The following C5AR1 variants were observed in gnomAD, a reference collection of about 807,000 sequenced individuals.
The protein encoded by C5AR1 is C5a anaphylatoxin chemotactic receptor 1.
In C5AR1, 4 loss-of-function variants were observed where a neutral mutation model predicts 2.4. The observed-to-expected ratio is 1.65, with a 90% CI of 0.81 to 3.77. C5AR1 has a LOEUF of 3.77. C5AR1 is among the 30% of genes most tolerant of loss of function. C5AR1 has a pLI of 0.01. For missense variants in C5AR1, 418 were observed against 462.5 expected (o/e 0.90, Z 0.88); for synonymous variants, 209 against 210.4 (o/e 0.99, Z 0.06).
At chr19:47,308,474 G>C (rs2059260434), upstream of C5AR1, among the ~76,000 whole-genome samples, 1 of 151,880 alleles carries the variant, frequency 6.6e-6, no homozygotes, top group South Asian at 2.1e-4. Context: ...TTGTGTAGTT[G>C]GGGGACAGGG....
intron 1 of C5AR1, among the ~76,000 whole-genome samples, chr19:47,317,517 A>T (rs1301494447): frequency 2.2e-4 from 24 of 111,352 alleles, no homozygotes; most frequent in Admixed American, 1.4e-3. Context: ...CAAAAAAAAA[A>T]AAATATATAT....
chr19:47,315,937 A>G (rs1390143149), intron 1 of C5AR1, among the ~76,000 whole-genome samples: 3 of 151,854 alleles, frequency 2.0e-5, no homozygotes, highest in Non-Finnish European at 4.4e-5. Flanking sequence ...TCTCTCCATT[A>G]TCCATCCATC....
chr19:47,313,744 T>TAA (rs556770085), intron 1 of C5AR1, among the ~76,000 whole-genome samples: 3 of 138,000 alleles, frequency 2.2e-5, no homozygotes, highest in African/African-American at 8.0e-5. Flanking sequence ...TTCCGTCTCA[T>TAA]AAAAAAAAAA....
rs769494579 is a variant in C5AR1, at chr19:47,319,856, G to A, written c.79G>A (p.Asp27Asn). ...TACCCTGGACCTCAACACCCCTGTGGATAAAACTTCTAACACGCTGCGTGT... is the reference window on the plus strand; with the variant it reads ...TACCCTGGACCTCAACACCCCTGTGAATAAAACTTCTAACACGCTGCGTGT... ...KDTLDLNTPV[D>N]KTSNTLRVPD... Residue 27 changes from aspartate (D) to asparagine (N), a missense_variant, in exon 2 of 2, where the codon GAT becomes AAT. Transcript: ENST00000355085. 11 of 1,614,052 alleles carry A rather than the reference G, an allele frequency of 6.8e-6. No individual in the cohort carries two copies. The highest frequency in any genetic ancestry group is 8.5e-6 in the Non-Finnish European group (10 of 1,180,018).
At chr19:47,308,235 A>G (rs1041772501), upstream of C5AR1, among the ~76,000 whole-genome samples, 1 of 148,970 alleles carries the variant, frequency 6.7e-6, no homozygotes, top group African/African-American at 2.5e-5. Flanking sequence ...AAAAAAAAAA[A>G]GAGCATGAAC....
rs752136515 is a variant in C5AR1 at position 47,319,915 on chromosome 19, C to T, written c.138C>T (p.Val46=). The change falls in exon 2 of 2, where the codon GTC becomes GTT. Residue 46 remains valine, a synonymous_variant. Transcript: ENST00000355085. ...PDILALVIFA[V]VFLVGVLGNA... ...TCCTGGCCTTGGTCATCTTTGCAGT[C>T]GTCTTCCTGGTGGGAGTGCTGGGCA... 1.1e-5 allele frequency: 18 copies of T among 1,614,120 alleles called. No individual in the cohort carries two copies. The East Asian group carries it at 2.2e-4, about 20-fold the overall frequency.
At chr19:47,311,033 G>C (rs1021731949) in intron 1 of C5AR1, among the ~76,000 whole-genome samples, 4 of 152,192 alleles carry the variant, frequency 2.6e-5, no homozygotes, top group Non-Finnish European at 5.9e-5. Context: ...GCATTGCCTT[G>C]CTTCATCTGT....
At chr19:47,319,703 C>T (rs891373398) in intron 1 of C5AR1, 78 bp from the exon 2 acceptor site, 12 of 916,022 alleles carry the variant, frequency 1.3e-5, no homozygotes, top group Non-Finnish European at 1.9e-5. Flanking sequence ...GGAAAAGCCA[C>T]ATGCCTGAGC....
intron 1 of C5AR1, among the ~76,000 whole-genome samples, chr19:47,313,357 T>C (rs1029188815): frequency 3.3e-5 from 5 of 152,126 alleles, no homozygotes; most frequent in Non-Finnish European, 7.4e-5. Context: ...ACCTTTCGTT[T>C]CTGCTGTGCA....
chr19:47,319,916 G>T lies in C5AR1; in HGVS notation c.139G>T (p.Val47Phe). The T allele has an allele frequency of 6.2e-7, 1 of 1,614,234 alleles. No individual in the cohort carries two copies. Among genetic ancestry groups the T allele is most frequent in the Non-Finnish European group, 8.5e-7 (1 of 1,180,052 alleles). ...CCTGGCCTTGGTCATCTTTGCAGTC[G>T]TCTTCCTGGTGGGAGTGCTGGGCAA... ...DILALVIFAV[V>F]FLVGVLGNAL... The change falls in exon 2 of 2, where the codon GTC becomes TTC. Residue 47 changes from valine to phenylalanine, a missense_variant. Physicochemically the swap from Val to Phe is conservative, Grantham distance 50. Coordinates refer to ENST00000355085, the MANE Select transcript of C5AR1 (RefSeq NM_001736.4).
chr19:47,317,762 C>G (rs1020860305), intron 1 of C5AR1, among the ~76,000 whole-genome samples: 2 of 151,888 alleles, frequency 1.3e-5, no homozygotes, highest in African/African-American at 4.8e-5. Context: ...GCAGGCAGAT[C>G]ACGAGGTCAG....
chr19:47,318,483 G>A (rs1255364080), intron 1 of C5AR1, among the ~76,000 whole-genome samples: 9 of 151,734 alleles, frequency 5.9e-5, no homozygotes, highest in African/African-American at 1.2e-4. Flanking sequence ...TAGTAGAGAC[G>A]GGGTTTCACC....
chr19:47,308,608 T>A (rs1279210308), upstream of C5AR1, among the ~76,000 whole-genome samples: 1 of 151,258 alleles, frequency 6.6e-6, no homozygotes, highest in Non-Finnish European at 1.5e-5. Context: ...TGGGCTGGAG[T>A]GCAATGGTGC....
At chr19:47,318,260 G>A (rs1435743853) in intron 1 of C5AR1, among the ~76,000 whole-genome samples, 1 of 151,378 alleles carries the variant, frequency 6.6e-6, no homozygotes, top group Non-Finnish European at 1.5e-5. Context: ...CTGGTGCCTC[G>A]TGCTTCTTCA....
chr19:47,317,965 G>A (rs2059295415), intron 1 of C5AR1, among the ~76,000 whole-genome samples: 1 of 122,606 alleles, frequency 8.2e-6, no homozygotes. Flanking sequence ...TGGCGACAGA[G>A]TGAGACTCCA....
chr19:47,308,746 G>A (rs1356130259), upstream of C5AR1, among the ~76,000 whole-genome samples: 1 of 150,490 alleles, frequency 6.6e-6, no homozygotes, highest in Non-Finnish European at 1.5e-5. Flanking sequence ...AGTAGAGATG[G>A]GGTTTCACCA....
upstream of C5AR1, among the ~76,000 whole-genome samples, chr19:47,309,212 G>A (rs2059262536): frequency 6.6e-6 from 1 of 152,136 alleles, no homozygotes; most frequent in Non-Finnish European, 1.5e-5. Flanking sequence ...TGAATCCCAA[G>A]GGAGGGGTTT....
intron 1 of C5AR1, among the ~76,000 whole-genome samples, chr19:47,314,730 G>A (rs573120405): frequency 2.5e-4 from 38 of 152,138 alleles, no homozygotes; most frequent in Non-Finnish European, 4.7e-4. Context: ...GTCTCGCTAT[G>A]TTGCCCAGGC....
intron 1 of C5AR1, among the ~76,000 whole-genome samples, chr19:47,315,569 C>T (rs1191546273): frequency 6.6e-6 from 1 of 152,098 alleles, no homozygotes; most frequent in African/African-American, 2.4e-5. Context: ...CAAAATTTAC[C>T]TTCATGCGTC....
Sources: allele counts gnomAD v4.1 joint callset (sites outside exome capture counted in the v4.1 genomes callset), GRCh38; gene constraint gnomAD v4.1.1; transcripts MANE v1.5; gene names NCBI Gene and HGNC (gene_info 2026-07-23, HGNC 2026-07-21).